FTO: variants seen among roughly 807,000 people sequenced by gnomAD.
The protein encoded by FTO is alpha-ketoglutarate-dependent dioxygenase FTO.
In FTO, 47 loss-of-function variants were observed where a neutral mutation model predicts 63.9. The observed-to-expected ratio is 0.74, with a 90% CI of 0.58 to 0.94. The LOEUF (loss-of-function observed/expected upper bound fraction) is 0.94. Among genes scored for constraint, FTO ranks in the 40% least tolerant of loss-of-function variants. The probability of loss-of-function intolerance (pLI) is 0.00; values close to 1 mark genes in which losing one functional copy is unlikely to be tolerated. For synonymous variants in FTO, 207 were observed against 224.4 expected, an observed-to-expected ratio of 0.92 and a Z score of 0.69; for missense variants, 562 against 618.1, an observed-to-expected ratio of 0.91 and a Z score of 0.96.
chr16:53,826,368 C>T lies in FTO; in HGVS notation c.628C>T (p.Gln210Ter), dbSNP rs1431584411. ...NVTLLNFMDP[Q>*]KMPYLKEEPY... Reference sequence around the variant, plus strand: ...AACTTTGCTGAATTTCATGGATCCTCAGAAAATGCCATACCTGAAAGAGGA... The same window carrying T: ...AACTTTGCTGAATTTCATGGATCCTTAGAAAATGCCATACCTGAAAGAGGA... The change falls in exon 3 of 9, where the codon CAG becomes TAG. Residue 210 changes from glutamine to a stop codon, truncating the protein, a stop_gained. Transcript: ENST00000471389. LOFTEE classifies it high-confidence loss of function. 6.2e-7 allele frequency: 1 copy of T among 1,614,144 alleles called. No individual in the cohort carries two copies. Among genetic ancestry groups the T allele is most frequent in the Non-Finnish European group, 8.5e-7 (1 of 1,180,036 alleles).
intron 8 of FTO, among the ~76,000 whole-genome samples, chr16:54,062,224 T>A (rs530627035): frequency 1.3e-5 from 2 of 152,308 alleles, no homozygotes; most frequent in East Asian, 3.9e-4. Flanking sequence ...CCCTTGAAAT[T>A]CTTATTTATT....
chr16:53,855,959 A>G (rs568214850), intron 4 of FTO, among the ~76,000 whole-genome samples: 1 of 152,314 alleles, frequency 6.6e-6, no homozygotes, highest in South Asian at 2.1e-4. Context: ...TCATTCAATT[A>G]GAGTCACCCT....
intron 1 of FTO, among the ~76,000 whole-genome samples, chr16:53,748,850 G>A (rs936301772): frequency 2.0e-5 from 3 of 151,986 alleles, no homozygotes; most frequent in Admixed American, 1.3e-4. Context: ...TGCAACCTCC[G>A]TCTCCTGAGT....
At chr16:53,941,187 C>A (rs2082520804) in intron 8 of FTO, among the ~76,000 whole-genome samples, 1 of 152,162 alleles carries the variant, frequency 6.6e-6, no homozygotes, top group African/African-American at 2.4e-5. Flanking sequence ...TAGCAATTAA[C>A]TATTATTTAT....
chr16:54,079,724 C>T (rs1393207886), intron 8 of FTO, among the ~76,000 whole-genome samples: 1 of 152,134 alleles, frequency 6.6e-6, no homozygotes, highest in Non-Finnish European at 1.5e-5. Flanking sequence ...GAGTTTCAAA[C>T]TGGAACGTGT....
intron 8 of FTO, among the ~76,000 whole-genome samples, chr16:54,038,975 A>T (rs1315320987): frequency 6.6e-6 from 1 of 152,252 alleles, no homozygotes; most frequent in African/African-American, 2.4e-5. Context: ...GTTCACATGT[A>T]AAGCAAGACA....
intron 1 of FTO, among the ~76,000 whole-genome samples, chr16:53,725,452 T>A (rs1417617356): frequency 6.6e-6 from 1 of 152,228 alleles, no homozygotes; most frequent in Non-Finnish European, 1.5e-5. Context: ...TACTTATGGC[T>A]TGGAATATTT....
chr16:53,853,167 C>A (rs2079865261), intron 4 of FTO, among the ~76,000 whole-genome samples: 1 of 152,086 alleles, frequency 6.6e-6, no homozygotes, highest in Admixed American at 6.6e-5. Flanking sequence ...GTGGCAGGCA[C>A]CCGTAGTCCT....
At chr16:54,095,756 A>T (rs2086502580) in intron 8 of FTO, among the ~76,000 whole-genome samples, 1 of 152,046 alleles carries the variant, frequency 6.6e-6, no homozygotes, top group South Asian at 2.1e-4. Context: ...CCCGCCTGGG[A>T]CTCAGATATG....
At chr16:54,082,736 G>A (rs1468880791) in intron 8 of FTO, among the ~76,000 whole-genome samples, 3 of 152,182 alleles carry the variant, frequency 2.0e-5, no homozygotes, top group African/African-American at 7.2e-5. Context: ...CTTTGAGATA[G>A]GAGGGATCAT....
intron 2 of FTO, among the ~76,000 whole-genome samples, chr16:53,811,309 G>A (rs778990030): frequency 3.9e-5 from 6 of 152,116 alleles, no homozygotes; most frequent in East Asian, 1.9e-4. Context: ...GAGGGTTGCC[G>A]TGAAAATCAG....
chr16:53,970,888 A>G lies in FTO; in HGVS notation c.1364+36779A>G, dbSNP rs190251613. 2.3e-3 allele frequency among the ~76,000 whole-genome samples: 346 copies of G among 152,344 alleles called. 2 individuals carry two copies. Among genetic ancestry groups the G allele is most frequent in the African/African-American group, 7.9e-3 (330 of 41,580 alleles). Reference sequence around the variant, plus strand: ...GGGTTGCTAGTTTGCACACACTTATATACATAATGCAGAACATAAGTGGGA... The same window carrying G: ...GGGTTGCTAGTTTGCACACACTTATGTACATAATGCAGAACATAAGTGGGA... On this transcript the variant is annotated intron_variant, in intron 8 of 8. Transcript: ENST00000471389.
At chr16:53,873,352 G>T (rs1326292492) in intron 4 of FTO, among the ~76,000 whole-genome samples, 1 of 151,906 alleles carries the variant, frequency 6.6e-6, no homozygotes, top group Non-Finnish European at 1.5e-5. Context: ...GTTTATACTT[G>T]TTGTTCTGGA....
intron 4 of FTO, among the ~76,000 whole-genome samples, chr16:53,849,684 C>T (rs1478401886): frequency 6.6e-6 from 1 of 152,138 alleles, no homozygotes; most frequent in East Asian, 1.9e-4. Context: ...GCAGCAAGAC[C>T]CAGAGCACAG....
chr16:53,760,118 T>C (rs1227330284), intron 1 of FTO, among the ~76,000 whole-genome samples: 1 of 152,132 alleles, frequency 6.6e-6, no homozygotes, highest in Non-Finnish European at 1.5e-5. Flanking sequence ...TCCTGAGCCT[T>C]TCTGTAGATG....
rs1166285183 is a variant in FTO, at chr16:53,857,073, T to G, written c.895+12775T>G. On this transcript the variant is annotated intron_variant, in intron 4 of 8. Coordinates refer to ENST00000471389, the MANE Select transcript of FTO (RefSeq NM_001080432.3). ...GACTGTTGTTATTGGTATGGAAGTA[T>G]TTTTTTTTTCTCCCAGCTTTTATTT... Among the ~76,000 whole-genome samples the G allele has an allele frequency of 6.2e-5, 4 of 65,020 alleles. No individual in the cohort carries two copies. The East Asian group carries it at 0.012, about 201-fold the overall frequency. The allele number at this position is 65,020 out of a possible 152,430, so 42.7% of individuals were successfully genotyped here.
intron 1 of FTO, among the ~76,000 whole-genome samples, chr16:53,761,783 G>A (rs1381704607): frequency 6.6e-6 from 1 of 152,086 alleles, no homozygotes; most frequent in East Asian, 1.9e-4. Flanking sequence ...TGTGAACCTA[G>A]GGAGATATCT....
At chr16:53,789,691 T>A (rs1255943226) in intron 1 of FTO, among the ~76,000 whole-genome samples, 1 of 151,760 alleles carries the variant, frequency 6.6e-6, no homozygotes, top group South Asian at 2.1e-4. Flanking sequence ...CCTGGTTTTT[T>A]ATTTTTGTTT....
intron 1 of FTO, among the ~76,000 whole-genome samples, chr16:53,796,143 C>G (rs62033413): frequency 0.31 from 46,182 of 149,716 alleles, 8,648 homozygotes; most frequent in Non-Finnish European, 0.42. Flanking sequence ...CTCCCAGGTT[C>G]AAGTGATTCT....
Sources: gnomAD v4.1 joint callset for allele counts (sites outside exome capture counted in the v4.1 genomes callset) on GRCh38, gnomAD v4.1.1 for gene constraint, MANE v1.5 for transcripts, NCBI Gene and HGNC (gene_info 2026-07-23, HGNC 2026-07-21) for gene names.